NUP153: variants seen among roughly 807,000 people sequenced by gnomAD.
The protein encoded by NUP153 is nucleoporin 153.
NUP153 carries 27 observed loss-of-function variants against 134.6 expected under a neutral mutation model. That is an observed-to-expected ratio of 0.20 (90% confidence interval 0.15 to 0.28). The LOEUF (loss-of-function observed/expected upper bound fraction) is 0.28, where lower values mean the gene tolerates loss of function less well. NUP153 is among the 10% of genes least tolerant of loss of function. The pLI is 1.00. For synonymous variants in NUP153, 640 were observed against 623.5 expected (o/e 1.03, Z -0.40); for missense variants, 1,821 against 1,731.3 (o/e 1.05, Z -0.92).
intron 17 of NUP153, among the ~76,000 whole-genome samples, chr6:17,630,760 GA>G (rs1411021676): frequency 7.0e-6 from 1 of 143,106 alleles, no homozygotes; most frequent in African/African-American, 2.8e-5. Flanking sequence ...AGGGAGGGGA[GA>G]GGGGAGAGGG....
intron 9 of NUP153, 81 bp from the exon 10 acceptor site, chr6:17,662,151 A>C: frequency 8.1e-7 from 1 of 1,233,224 alleles, no homozygotes; most frequent in Middle Eastern, 2.2e-4. Context: ...TATTAATTTT[A>C]ATATTTAGAA....
At position 17,626,052 on chromosome 6, in the gene NUP153, G is replaced by A. The variant is rs778911041; in HGVS notation, c.3657C>T (p.Ser1219=). The A allele has an allele frequency of 5.0e-6, 8 of 1,614,176 alleles. No individual in the cohort carries two copies. Among genetic ancestry groups the A allele is most frequent in the Non-Finnish European group, 6.8e-6 (8 of 1,180,038 alleles). Residue 1219 remains serine, a synonymous_variant, in exon 19 of 22, where the codon TCC becomes TCT. Transcript: ENST00000262077. ...GGIFGSSTSS[S]NPPVATFVFG... ...ACACAAAGGTAGCCACAGGTGGATTGGAGGAAGAGGTGGAACTACCAAATA... is the reference window on the plus strand; with the variant it reads ...ACACAAAGGTAGCCACAGGTGGATTAGAGGAAGAGGTGGAACTACCAAATA...
intron 1 of NUP153, among the ~76,000 whole-genome samples, chr6:17,697,093 A>G (rs1304890658): frequency 6.6e-6 from 1 of 152,108 alleles, no homozygotes; most frequent in Non-Finnish European, 1.5e-5. Flanking sequence ...ATTAATCTTA[A>G]AAAATACTCT....
At position 17,647,879 on chromosome 6, in the gene NUP153, A is replaced by G. The variant is rs1284586938; in HGVS notation, c.1560T>C (p.Thr520=). Residue 520 remains threonine (T), a synonymous_variant, in exon 13 of 22, where the codon ACT becomes ACC. Coordinates refer to ENST00000262077, the MANE Select transcript of NUP153 (RefSeq NM_005124.4). ...NKVQMTSPSS[T]GSPMFKFSSP... is the part of the protein sequence containing the mutation. ...ATGAAAATTTAAACATGGGACTGCC[A>G]GTGCTGCTCGGAGAGGTCATTTGTA... 1 of 1,613,398 alleles carries G rather than the reference A, an allele frequency of 6.2e-7. No homozygotes were observed. The highest frequency in any genetic ancestry group is 1.7e-4 in the Middle Eastern group (1 of 6,058).
intron 11 of NUP153, among the ~76,000 whole-genome samples, chr6:17,654,655 C>T (rs930606172): frequency 1.3e-4 from 20 of 152,206 alleles, no homozygotes; most frequent in Non-Finnish European, 1.3e-4. Flanking sequence ...ATTTCTACTC[C>T]CCCAAATTTT....
At chr6:17,622,857 G>A (rs573468685) in intron 20 of NUP153, among the ~76,000 whole-genome samples, 213 of 152,156 alleles carry the variant, frequency 1.4e-3, no homozygotes, top group Non-Finnish European at 2.2e-3. Flanking sequence ...AAGGCTGGGC[G>A]TGGTGGCTCA....
chr6:17,685,582 T>C (rs1768876739), intron 2 of NUP153, among the ~76,000 whole-genome samples: 1 of 151,676 alleles, frequency 6.6e-6, no homozygotes, highest in East Asian at 1.9e-4. Context: ...TATAAACAGT[T>C]GTCCCATAAG....
In NUP153 at chr6:17,674,979, A is replaced by G; in HGVS notation, c.778T>C (p.Tyr260His). ...CCACCGTATGTTGTTTTTCCAGGAT[A>G]AAAAGGAGAATCTCCAAGCTGACTG... ...KTSQLGDSPF[Y>H]PGKTTYGGAA... The change falls in exon 5 of 22, where the codon TAT (tyrosine) becomes CAT (histidine). Residue 260 changes from tyrosine to histidine, a missense_variant. Coordinates refer to ENST00000262077, the MANE Select transcript of NUP153 (RefSeq NM_005124.4). The G allele has an allele frequency of 6.2e-7, 1 of 1,613,626 alleles. No individual in the cohort carries two copies. The highest frequency in any genetic ancestry group is 8.5e-7 in the Non-Finnish European group (1 of 1,179,640).
intron 20 of NUP153, among the ~76,000 whole-genome samples, chr6:17,618,698 T>TGG (rs370264601): frequency 3.9e-5 from 6 of 151,980 alleles, no homozygotes; most frequent in Admixed American, 1.3e-4. Flanking sequence ...CCTGAGTAGC[T>TGG]GGGACTACAG....
At chr6:17,634,979 T>TA (rs11349044) in intron 16 of NUP153, among the ~76,000 whole-genome samples, 2 of 149,612 alleles carry the variant, frequency 1.3e-5, no homozygotes, top group Non-Finnish European at 3.0e-5. Context: ...AATTAAAAAA[T>TA]AAAAAAAAAA....
chr6:17,695,560 A>G (rs958815281), intron 1 of NUP153, among the ~76,000 whole-genome samples: 3 of 152,252 alleles, frequency 2.0e-5, no homozygotes, highest in Non-Finnish European at 4.4e-5. Context: ...ATCAATGAGA[A>G]GTTAACATAA....
At chr6:17,618,028 G>A (rs1381649861) in intron 20 of NUP153, among the ~76,000 whole-genome samples, 2 of 151,976 alleles carry the variant, frequency 1.3e-5, no homozygotes, top group Non-Finnish European at 2.9e-5. Flanking sequence ...ACAAAATACC[G>A]AGCGCTCCAG....
intron 11 of NUP153, among the ~76,000 whole-genome samples, chr6:17,660,587 T>G (rs1767117392): frequency 6.6e-6 from 1 of 151,410 alleles, no homozygotes; most frequent in Non-Finnish European, 1.5e-5. Flanking sequence ...AATATACATA[T>G]AAGAAATTAT....
At chr6:17,665,152 A>G in intron 9 of NUP153, 87 bp downstream of exon 9, 1 of 967,818 alleles carries the variant, frequency 1.0e-6, no homozygotes, top group South Asian at 1.7e-5. Flanking sequence ...CAGTTGCTAG[A>G]ATACAATGGT....
In NUP153 at chr6:17,616,176, T is replaced by C. The variant is rs1764306856; in HGVS notation, c.4349A>G (p.Asn1450Ser). ...AGAAGAAGAGAACACATTTTTCCCA[T>C]TTGACCTGTGAAAAATAAAAACTTC... ...QSPAAFTVGS[N>S]GKNVFSSSGT... Residue 1450 changes from asparagine to serine, a missense_variant, in exon 22 of 22, where the codon AAT (asparagine) becomes AGT (serine). By Grantham distance (46) the Asn-to-Ser change is conservative. Coordinates refer to ENST00000262077, the MANE Select transcript of NUP153 (RefSeq NM_005124.4). The C allele has an allele frequency of 6.2e-7, 1 of 1,612,394 alleles. No homozygotes were observed. Among genetic ancestry groups the C allele is most frequent in the Non-Finnish European group, 8.5e-7 (1 of 1,178,918 alleles).
At chr6:17,639,469 C>A (rs1188021166) in intron 15 of NUP153, among the ~76,000 whole-genome samples, 6 of 152,180 alleles carry the variant, frequency 3.9e-5, no homozygotes, top group Non-Finnish European at 1.5e-5. Context: ...AACTATTTAT[C>A]CCCTTTCTAA....
At chr6:17,659,707 G>A (rs935285104) in intron 11 of NUP153, among the ~76,000 whole-genome samples, 11 of 152,130 alleles carry the variant, frequency 7.2e-5, no homozygotes, top group Non-Finnish European at 1.3e-4. Context: ...TCTTGACCTC[G>A]TGATCCGCCC....
At chr6:17,656,972 A>C (rs1414442863) in intron 11 of NUP153, among the ~76,000 whole-genome samples, 1 of 152,134 alleles carries the variant, frequency 6.6e-6, no homozygotes, top group Admixed American at 6.5e-5. Flanking sequence ...GTTATCTTGC[A>C]AGTGGAGAGG....
chr6:17,676,135 G>A (rs1455681400), intron 2 of NUP153, among the ~76,000 whole-genome samples: 1 of 152,102 alleles, frequency 6.6e-6, no homozygotes, highest in Non-Finnish European at 1.5e-5. Context: ...TAAAAAATAA[G>A]TTTTACCCGT....
Sources: gnomAD v4.1 joint callset for allele counts (sites outside exome capture counted in the v4.1 genomes callset) on GRCh38, gnomAD v4.1.1 for gene constraint, MANE v1.5 for transcripts, NCBI Gene and HGNC (gene_info 2026-07-23, HGNC 2026-07-21) for gene names.